CLASP2: variants seen among roughly 807,000 people sequenced by gnomAD.
CLASP2 encodes the protein CLIP-associating protein 2.
A neutral mutation model predicts 194.4 loss-of-function variants in CLASP2; 47 were observed. That is an observed-to-expected ratio of 0.24 (90% CI 0.19 to 0.31). The LOEUF (loss-of-function observed/expected upper bound fraction) is 0.31, where lower values mean the gene tolerates loss of function less well. Ranked by LOEUF, CLASP2 falls within the 10% of genes least tolerant of loss-of-function variation. CLASP2 has a pLI of 1.00. For missense variants in CLASP2, 1,445 were observed against 1,823.6 expected (o/e 0.79, Z 3.78); for synonymous variants, 619 against 633.5 (o/e 0.98, Z 0.34).
chr3:33,551,475 T>C, intron 29 of CLASP2, 80 bp from the exon 30 acceptor site: 3 of 1,384,248 alleles, frequency 2.2e-6, no homozygotes, highest in Non-Finnish European at 2.9e-6. Context: ...AATAATCAGG[T>C]GATGATGATG....
Position 33,674,119 on chromosome 3 carries a change from C to T in CLASP2, c.644+10240G>A, listed in dbSNP as rs555978076. Among the ~76,000 whole-genome samples, 20 of 152,298 alleles carry T rather than the reference C, an allele frequency of 1.3e-4. No individual in the cohort carries two copies. In the South Asian group the frequency reaches 3.5e-3, roughly 27 times the overall value. ...TAATAGACAGCTACAGAACTCTCCA[C>T]CCCAAATCAACAGAATATACATTCT... On this transcript the variant is annotated intron_variant, in intron 6 of 38. Transcript: ENST00000682230.
At chr3:33,601,117 C>G (rs1202460128) in intron 18 of CLASP2, among the ~76,000 whole-genome samples, 3 of 152,032 alleles carry the variant, frequency 2.0e-5, no homozygotes, top group Admixed American at 2.0e-4. Context: ...CGCCACCACG[C>G]CCGGCTAGTT....
intron 29 of CLASP2, among the ~76,000 whole-genome samples, chr3:33,557,217 G>A (rs369989824): frequency 9.2e-5 from 14 of 151,384 alleles, no homozygotes; most frequent in African/African-American, 1.5e-4. Flanking sequence ...CAAGTGATCC[G>A]CCTGCCTCAG....
intron 34 of CLASP2, among the ~76,000 whole-genome samples, chr3:33,528,067 A>T (rs751791674): frequency 6.6e-6 from 1 of 152,232 alleles, no homozygotes; most frequent in Non-Finnish European, 1.5e-5. Flanking sequence ...AACCGAATCC[A>T]GCAGGACATC....
intron 30 of CLASP2, among the ~76,000 whole-genome samples, chr3:33,545,367 T>TAGAGACTTAATTAAGGAGAG (rs2058994843): frequency 6.6e-6 from 1 of 152,212 alleles, no homozygotes. Flanking sequence ...TCAAATTATA[T>TAGAGACTTAATTAAGGAGAG]AGAGACTTAA....
At chr3:33,565,987 ACCT>A (rs2062672861) in intron 27 of CLASP2, among the ~76,000 whole-genome samples, 1 of 152,032 alleles carries the variant, frequency 6.6e-6, no homozygotes, top group Admixed American at 6.6e-5. Context: ...TCCCTCTCTA[ACCT>A]CCTCATTGTT....
intron 21 of CLASP2, among the ~76,000 whole-genome samples, chr3:33,587,790 C>T (rs1179679979): frequency 6.6e-6 from 1 of 152,190 alleles, no homozygotes; most frequent in Non-Finnish European, 1.5e-5. Context: ...CCAAAAACAT[C>T]CAAACACCCA....
At chr3:33,600,691 T>C (rs1439037593) in intron 18 of CLASP2, among the ~76,000 whole-genome samples, 1 of 152,196 alleles carries the variant, frequency 6.6e-6, no homozygotes, top group Non-Finnish European at 1.5e-5. Context: ...CTACATACTA[T>C]TTGGTAGTCT....
At chr3:33,717,769 G>A in intron 1 of CLASP2, 39 bp downstream of exon 1, 1 of 1,544,094 alleles carries the variant, frequency 6.5e-7, no homozygotes, top group Admixed American at 2.0e-5. Context: ...GGGCTGCCGC[G>A]GAGGGCGTGA....
In CLASP2 at chr3:33,603,140, G is replaced by C; in HGVS notation, c.1751-15C>G. 1 of 1,542,178 alleles carries C rather than the reference G, an allele frequency of 6.5e-7. No homozygotes were observed. Among genetic ancestry groups the C allele is most frequent in the Non-Finnish European group, 8.8e-7 (1 of 1,141,082 alleles). On this transcript the variant is annotated splice_polypyrimidine_tract_variant and intron_variant, in intron 17 of 38. Coordinates refer to ENST00000682230, the MANE Select transcript of CLASP2 (RefSeq NM_001365631.1). The stretch of plus-strand genomic sequence containing the variant: ...GCCTGCTGATACTACGAAATACAAA[G>C]CAAAGATAACTTATATCATTTAAAT...
intron 36 of CLASP2, 142 bp downstream of exon 36, chr3:33,515,881 T>C (rs1053940956): frequency 5.8e-6 from 4 of 685,120 alleles, no homozygotes; most frequent in Non-Finnish European, 6.6e-6. Context: ...GAAAAAAATA[T>C]GCTTGCATCT....
Position 33,535,254 on chromosome 3 carries a change from C to G in CLASP2, c.3766G>C (p.Asp1256His). ...ATACCGTCAGGAAACTGGTCAGCAT[C>G]ATCATCAAACATGGCTTCCTTGAGG... ...SALKEAMFDD[D>H]ADQFPDDLSL... Residue 1256 changes from aspartate (D) to histidine (H), a missense_variant, in exon 34 of 39, where the codon GAT becomes CAT. This residue lies in a region of CLASP2 where 732 missense variants were observed against 987.9 expected (regional missense o/e 0.74). Coordinates refer to ENST00000682230, the MANE Select transcript of CLASP2 (RefSeq NM_001365631.1). The G allele has an allele frequency of 6.2e-7, 1 of 1,613,666 alleles. No individual in the cohort carries two copies. Among genetic ancestry groups the G allele is most frequent in the Non-Finnish European group, 8.5e-7 (1 of 1,179,594 alleles).
chr3:33,717,919 G>A lies in CLASP2; in HGVS notation c.84C>T (p.Leu28=). The A allele has an allele frequency of 1.3e-6, 2 of 1,552,170 alleles. No individual in the cohort carries two copies. Among genetic ancestry groups the A allele is most frequent in the Middle Eastern group, 1.7e-4 (1 of 5,932 alleles). The change falls in exon 1 of 39, where the codon CTC becomes CTT. Residue 28 remains leucine, a synonymous_variant. Transcript: ENST00000682230. ...CGCCGGGGGCGCCAAGGTAGAGCAG[G>A]AGCTCCTGGCCGACCTGCAGCCGGC... The part of the protein sequence containing the change: ...VGGRLQVGQE[L]LLYLGAPGAI...
intron 1 of CLASP2, among the ~76,000 whole-genome samples, chr3:33,700,430 AAC>A (rs1466112030): frequency 6.6e-6 from 1 of 152,162 alleles, no homozygotes; most frequent in African/African-American, 2.4e-5. Flanking sequence ...GTCTCAAACA[AAC>A]AAACAAAAAA....
intron 7 of CLASP2, among the ~76,000 whole-genome samples, chr3:33,660,685 T>C (rs1002288623): frequency 2.0e-5 from 3 of 152,202 alleles, no homozygotes; most frequent in Non-Finnish European, 4.4e-5. Context: ...CGTGCCATTT[T>C]TGGACAGACC....
intron 9 of CLASP2, among the ~76,000 whole-genome samples, chr3:33,627,952 G>A (rs1306808444): frequency 6.6e-6 from 1 of 152,028 alleles, no homozygotes; most frequent in Non-Finnish European, 1.5e-5. Flanking sequence ...AGTATAAAGG[G>A]ACTAGGAGAA....
At chr3:33,646,886 T>G (rs1428767372) in intron 7 of CLASP2, among the ~76,000 whole-genome samples, 1 of 152,126 alleles carries the variant, frequency 6.6e-6, no homozygotes, top group African/African-American at 2.4e-5. Context: ...AGCTAACTAG[T>G]CTCGAATTCT....
At chr3:33,565,749 T>C (rs1383171355) in intron 27 of CLASP2, among the ~76,000 whole-genome samples, 1 of 151,814 alleles carries the variant, frequency 6.6e-6, no homozygotes, top group African/African-American at 2.4e-5. Context: ...GAGGCAGAGA[T>C]TGTGGTGAGC....
At position 33,686,344 on chromosome 3, in the gene CLASP2, G is replaced by C. The variant is rs193259382; in HGVS notation, c.546+716C>G. On this transcript the variant is annotated intron_variant, in intron 5 of 38. Coordinates refer to ENST00000682230, the MANE Select transcript of CLASP2 (RefSeq NM_001365631.1). ...TCATATGGGTTCATAGCCTGTTCAA[G>C]GACCACAACAGGAGGTGAGCAGCAG... Among the ~76,000 whole-genome samples the C allele has an allele frequency of 4.9e-3, 745 of 152,222 alleles. 4 individuals carry two copies. Among genetic ancestry groups the C allele is most frequent in the Non-Finnish European group, 8.0e-3 (547 of 67,998 alleles).
Sources: allele counts gnomAD v4.1 joint callset (sites outside exome capture counted in the v4.1 genomes callset), GRCh38; gene constraint gnomAD v4.1.1; regional missense constraint gnomAD v4.1.1; transcripts MANE v1.5; gene names NCBI Gene and HGNC (gene_info 2026-07-23, HGNC 2026-07-21).